The following HNRNPUL1 variants were observed in gnomAD, a reference collection of about 807,000 sequenced individuals.
The protein encoded by HNRNPUL1 is heterogeneous nuclear ribonucleoprotein U-like protein 1.
Under a neutral mutation model 108.5 loss-of-function variants are expected in HNRNPUL1, and 14 were observed. The ratio of observed to expected loss-of-function variants is 0.13; its 90% CI spans 0.09 to 0.20. HNRNPUL1 has a LOEUF of 0.20. Ranked by LOEUF, HNRNPUL1 falls within the 10% of genes least tolerant of loss-of-function variation. The pLI, the probability that HNRNPUL1 is intolerant of heterozygous loss-of-function variation, is 1.00. For missense variants in HNRNPUL1, 804 were observed against 1,168.3 expected (o/e 0.69, Z 4.55); for synonymous variants, 422 against 445.2 (o/e 0.95, Z 0.66).
At chr19:41,268,588 G>A (rs1474122931) in intron 2 of HNRNPUL1, among the ~76,000 whole-genome samples, 1 of 152,120 alleles carries the variant, frequency 6.6e-6, no homozygotes, top group African/African-American at 2.4e-5. Context: ...GCCGGGTGTG[G>A]TGGCTCCCTC....
chr19:41,291,112 A>G (rs1259678019), intron 7 of HNRNPUL1, among the ~76,000 whole-genome samples: 1 of 152,186 alleles, frequency 6.6e-6, no homozygotes, highest in Non-Finnish European at 1.5e-5. Flanking sequence ...TACAGAATAA[A>G]TGAATGTGGT....
chr19:41,296,844 C>G (rs999862949), intron 10 of HNRNPUL1, among the ~76,000 whole-genome samples: 12 of 152,190 alleles, frequency 7.9e-5, no homozygotes, highest in Admixed American at 2.6e-4. Flanking sequence ...TTTGCCTTTA[C>G]TGGTTTTTCC....
At chr19:41,282,586 T>G (rs1460776931) in intron 7 of HNRNPUL1, among the ~76,000 whole-genome samples, 6 of 152,262 alleles carry the variant, frequency 3.9e-5, no homozygotes, top group African/African-American at 1.4e-4. Context: ...CCACATTTGC[T>G]TTACCATTTT....
intron 13 of HNRNPUL1, 39 bp from the exon 14 acceptor site, chr19:41,305,637 A>G (rs763944474): frequency 3.7e-6 from 6 of 1,613,198 alleles, no homozygotes; most frequent in Non-Finnish European, 4.2e-6. Context: ...GATTTCCTCT[A>G]TTTCACAGAG....
At chr19:41,265,194 C>G in intron 1 of HNRNPUL1, 2 of 1,475,118 alleles carry the variant, frequency 1.4e-6, no homozygotes, top group Non-Finnish European at 1.8e-6. Flanking sequence ...GCTTGGCGGT[C>G]GTGCTAGCCC....
chr19:41,286,704 ACT>A (rs2036249872), intron 7 of HNRNPUL1: 1 of 99,312 alleles, frequency 1.0e-5, no homozygotes, highest in Non-Finnish European at 1.9e-5. Context: ...CTCGGTGTGT[ACT>A]CTTTTTTTTT....
intron 2 of HNRNPUL1, among the ~76,000 whole-genome samples, chr19:41,269,358 T>C (rs1398399336): frequency 6.6e-6 from 1 of 150,978 alleles, no homozygotes; most frequent in Non-Finnish European, 1.5e-5. Flanking sequence ...CACACACCTA[T>C]AGTTAAAGCT....
chr19:41,301,449 C>A, intron 10 of HNRNPUL1, 87 bp from the exon 11 acceptor site: 2 of 1,093,536 alleles, frequency 1.8e-6, no homozygotes, highest in South Asian at 1.6e-5. Flanking sequence ...ATCCTTTTCT[C>A]AGTCCCTGGC....
chr19:41,280,978 C>G, intron 6 of HNRNPUL1, 185 bp from the exon 7 acceptor site: 1 of 552,296 alleles, frequency 1.8e-6, no homozygotes, highest in South Asian at 2.1e-5. Context: ...CCATCAAGCC[C>G]TCCAAGTTCT....
Position 41,292,595 on chromosome 19 carries a change from G to A in HNRNPUL1, c.1266+84G>A. ...ACACACACACACACACAGACTTGCT[G>A]CGAGAGTAGCCTTGGGGCAAGTGGC... is the stretch of plus-strand genomic sequence containing the variant. On this transcript the variant is annotated intron_variant, in intron 8 of 14. Transcript: ENST00000392006. This position sits in a 1 kb window ranked among gnomAD's most constrained non-coding sequence, Gnocchi z 4.1. 3.3e-6 allele frequency: 5 copies of A among 1,514,386 alleles called. No homozygotes were observed. Among genetic ancestry groups the A allele is most frequent in the Non-Finnish European group, 4.5e-6 (5 of 1,101,508 alleles). 93.8% of individuals were successfully genotyped at this position (1,514,386 alleles called of 1,614,324 possible).
chr19:41,276,371 G>A (rs116292826), intron 5 of HNRNPUL1, 73 bp downstream of exon 5: 1 of 1,496,468 alleles, frequency 6.7e-7, no homozygotes, highest in Non-Finnish European at 9.0e-7. Flanking sequence ...CAGCCACCTT[G>A]GTCAGAGCTG....
At chr19:41,296,258 T>C (rs1248514428) in intron 10 of HNRNPUL1, among the ~76,000 whole-genome samples, 1 of 152,198 alleles carries the variant, frequency 6.6e-6, no homozygotes, top group East Asian at 1.9e-4. Context: ...AAGTGGGTTT[T>C]CTCTGGAAGC....
chr19:41,280,599 GGCCCCT>G (rs1326914986), intron 6 of HNRNPUL1, among the ~76,000 whole-genome samples: 1 of 151,994 alleles, frequency 6.6e-6, no homozygotes, highest in Non-Finnish European at 1.5e-5. Flanking sequence ...CATGCTTGTC[GGCCCCT>G]GCTTTTCTAA....
At chr19:41,297,234 C>T (rs1459726746) in intron 10 of HNRNPUL1, among the ~76,000 whole-genome samples, 1 of 152,220 alleles carries the variant, frequency 6.6e-6, no homozygotes, top group East Asian at 1.9e-4. Context: ...TAGATCACAG[C>T]TCTGCTGACT....
At chr19:41,273,945 T>G in intron 3 of HNRNPUL1, 37 bp from the exon 4 acceptor site, 1 of 1,491,762 alleles carries the variant, frequency 6.7e-7, no homozygotes, top group Non-Finnish European at 9.4e-7. Flanking sequence ...TGCTCATCCA[T>G]TGTTCTTGTA....
At chr19:41,270,569 C>T (rs1399583681) in intron 2 of HNRNPUL1, among the ~76,000 whole-genome samples, 1 of 151,224 alleles carries the variant, frequency 6.6e-6, no homozygotes, top group Non-Finnish European at 1.5e-5. Context: ...AACAAAGTTC[C>T]CCATGATGCC....
chr19:41,292,269 G>A lies in HNRNPUL1; in HGVS notation c.1024G>A (p.Glu342Lys). 1 of 1,614,148 alleles carries A rather than the reference G, an allele frequency of 6.2e-7. No individual in the cohort carries two copies. The highest frequency in any genetic ancestry group is 8.5e-7 in the Non-Finnish European group (1 of 1,180,010). The change falls in exon 8 of 15, where the codon GAA (glutamate) becomes AAA (lysine). Residue 342 changes from glutamate (E) to lysine (K), a missense_variant. Glu to Lys is a moderately conservative substitution (Grantham distance 56). This residue lies in a region of HNRNPUL1 where 174 missense variants were observed against 296.6 expected (regional missense o/e 0.59). Coordinates refer to ENST00000392006, the MANE Select transcript of HNRNPUL1 (RefSeq NM_007040.6). The surrounding 1 kb of genome is among the most constrained non-coding windows in gnomAD (Gnocchi z 4.1). ...GGATTTTGAATGTGGAAATGACGTG[G>A]AACTGTCTTTTACCAAGAATGGAAA... ...FADFECGNDV[E>K]LSFTKNGKWM...
chr19:41,263,361 C>T (rs1484343471), upstream of HNRNPUL1, among the ~76,000 whole-genome samples: 1 of 152,186 alleles, frequency 6.6e-6, no homozygotes. Context: ...GTACAGACGC[C>T]AGACAGCCCG....
Position 41,294,249 on chromosome 19 carries a change from A to G in HNRNPUL1, c.1267-89A>G, listed in dbSNP as rs1482872844. On this transcript the variant is annotated intron_variant, in intron 8 of 14. Coordinates refer to ENST00000392006, the MANE Select transcript of HNRNPUL1 (RefSeq NM_007040.6). This position sits in a 1 kb window ranked among gnomAD's most constrained non-coding sequence, Gnocchi z 4.3. Reference sequence around the variant, plus strand: ...CGCTTTGTAGAGGCAGCCACAGCTCAGAGGTCCAGAGTCACACTCACAGTC... The same window carrying G: ...CGCTTTGTAGAGGCAGCCACAGCTCGGAGGTCCAGAGTCACACTCACAGTC... 3 of 1,469,592 alleles carry G rather than the reference A, an allele frequency of 2.0e-6. No individual in the cohort carries two copies. The highest frequency in any genetic ancestry group is 2.8e-6 in the Non-Finnish European group (3 of 1,063,942). The allele number at this position is 1,469,592 out of a possible 1,614,324, so 91.0% of individuals were successfully genotyped here. A position where few individuals can be genotyped will look rare whatever the true frequency, so the allele number is the denominator to read the frequency against.
Sources: allele counts gnomAD v4.1 joint callset (sites outside exome capture counted in the v4.1 genomes callset), GRCh38; gene constraint gnomAD v4.1.1; regional missense constraint gnomAD v4.1.1; non-coding constraint Gnocchi (gnomAD v3.1); transcripts MANE v1.5; gene names NCBI Gene and HGNC (gene_info 2026-07-23, HGNC 2026-07-21).